RILPL1: variants seen among roughly 807,000 people sequenced by gnomAD.
RILPL1 encodes the protein Rab interacting lysosomal protein like 1, also known as RILP-like protein 1.
RILPL1 carries 33 observed loss-of-function variants against 50.3 expected under a neutral mutation model. The ratio of observed to expected loss-of-function variants is 0.66; its 90% CI spans 0.50 to 0.88. RILPL1 has a LOEUF of 0.88. RILPL1 is among the 40% of genes least tolerant of loss of function. RILPL1 has a pLI of 0.00. For missense variants in RILPL1, 418 were observed against 542.5 expected (o/e 0.77, Z 2.28); for synonymous variants, 205 against 228.6 (o/e 0.90, Z 0.93).
intron 1 of RILPL1, among the ~76,000 whole-genome samples, chr12:123,525,210 G>A (rs1885208411): frequency 6.6e-6 from 1 of 151,718 alleles, no homozygotes; most frequent in African/African-American, 2.4e-5. Flanking sequence ...AACCACTGAA[G>A]TGTACATCTT....
chr12:123,521,563 TAATATATATACACACATATGTGTATATA>T lies in RILPL1; in HGVS notation c.460+1904_460+1931del, dbSNP rs1297881000. ...TGTATATATATGTGTGTATATATAT[TAATATATATACACACATATGTGTATATA>T]TATATTAATATATATACACACATAT... On this transcript the variant is annotated intron_variant, in intron 2 of 6. Transcript: ENST00000376874. Among the ~76,000 whole-genome samples the T allele has an allele frequency of 3.1e-4, 14 of 45,396 alleles. No homozygotes were observed. The South Asian group carries it at 0.011, about 34-fold the overall frequency. The allele number at this position is 45,396 out of a possible 152,430, so 29.8% of individuals were successfully genotyped here.
intron 2 of RILPL1, among the ~76,000 whole-genome samples, chr12:123,508,106 G>A (rs1200933526): frequency 6.6e-6 from 1 of 150,968 alleles, no homozygotes; most frequent in African/African-American, 2.4e-5. Context: ...AAAAACCACT[G>A]AGTTGGACCA....
At chr12:123,502,684 G>T (rs1718002890) in intron 2 of RILPL1, among the ~76,000 whole-genome samples, 1 of 152,236 alleles carries the variant, frequency 6.6e-6, no homozygotes, top group South Asian at 2.1e-4. Context: ...TGCCCATTAA[G>T]TTATTGTTGA....
chr12:123,511,549 GGTCT>G (rs770248428), intron 2 of RILPL1, among the ~76,000 whole-genome samples: 6 of 132,928 alleles, frequency 4.5e-5, no homozygotes, highest in Non-Finnish European at 6.4e-5. Flanking sequence ...GTCTGTGTGA[GGTCT>G]GTGTGTGTGG....
chr12:123,517,105 A>G (rs1333486798), intron 2 of RILPL1, among the ~76,000 whole-genome samples: 1 of 152,052 alleles, frequency 6.6e-6, no homozygotes, highest in Non-Finnish European at 1.5e-5. Flanking sequence ...ATTAAACAAC[A>G]AAAGATAAAG....
chr12:123,473,773 A>C (rs1220997620), intron 6 of RILPL1: 2 of 152,038 alleles, frequency 1.3e-5, no homozygotes, highest in Non-Finnish European at 2.9e-5. Flanking sequence ...CAGATGCCTG[A>C]AAGATAAAGG....
At chr12:123,504,714 T>G (rs1045230089) in intron 2 of RILPL1, among the ~76,000 whole-genome samples, 3 of 152,314 alleles carry the variant, frequency 2.0e-5, no homozygotes, top group East Asian at 1.9e-4. Context: ...GGTCTTATTA[T>G]CATTACTGTT....
At chr12:123,493,427 C>T (rs997412446) in intron 4 of RILPL1, among the ~76,000 whole-genome samples, 5 of 152,164 alleles carry the variant, frequency 3.3e-5, no homozygotes, top group South Asian at 2.1e-4. Context: ...CAGAGGCTGG[C>T]GGGATCCTCC....
Position 123,485,111 on chromosome 12 carries a change from AT to A in RILPL1, c.974+521del. On this transcript the variant is annotated intron_variant, in intron 5 of 6. Transcript: ENST00000376874. The surrounding 1 kb of genome is among the most constrained non-coding windows in gnomAD (Gnocchi z 4.0). ...CCTTCCAGCTTTCTATTCAACAGAT[AT>A]TTGTTGTGCACCTACTGTGTGCCAA... 1 of 455,674 alleles carries A rather than the reference AT, an allele frequency of 2.2e-6. No individual in the cohort carries two copies. Among genetic ancestry groups the A allele is most frequent in the South Asian group, 1.5e-5 (1 of 64,552 alleles). 28.2% of individuals were successfully genotyped at this position (455,674 alleles called of 1,614,324 possible). A position where few individuals can be genotyped will look rare whatever the true frequency, so the allele number is the denominator to read the frequency against.
chr12:123,494,507 T>C lies in RILPL1; in HGVS notation c.801+4037A>G, dbSNP rs552705568. Among the ~76,000 whole-genome samples, 9 of 152,164 alleles carry C rather than the reference T, an allele frequency of 5.9e-5. 1 individual carries two copies. The highest frequency in any genetic ancestry group is 5.9e-4 in the Admixed American group (9 of 15,276). On this transcript the variant is annotated intron_variant, in intron 4 of 6. Coordinates refer to ENST00000376874, the MANE Select transcript of RILPL1 (RefSeq NM_178314.5). ...GGTGGTGTGAAATGTCCCTTGCTGC[T>C]CAAGAGTCCTGGAACAGCGCTGGGA...
intron 1 of RILPL1, 122 bp from the exon 2 acceptor site, chr12:123,523,767 C>T (rs1240105597): frequency 2.5e-6 from 3 of 1,181,612 alleles, no homozygotes; most frequent in Non-Finnish European, 3.5e-6. Context: ...CTCGTGAGAA[C>T]TGGGCCGGCA....
chr12:123,482,428 C>T (rs1225049573), intron 6 of RILPL1, among the ~76,000 whole-genome samples: 2 of 152,112 alleles, frequency 1.3e-5, no homozygotes, highest in Admixed American at 6.6e-5. Context: ...TACTCTCTAG[C>T]AATATCCGGC....
chr12:123,505,033 T>A (rs1275107066), intron 2 of RILPL1, among the ~76,000 whole-genome samples: 1 of 114,632 alleles, frequency 8.7e-6, no homozygotes, highest in East Asian at 1.9e-4. Flanking sequence ...CCCATCAAGT[T>A]TTTTTGTTTT....
chr12:123,487,134 T>A (rs1365193527), intron 4 of RILPL1, among the ~76,000 whole-genome samples: 1 of 152,062 alleles, frequency 6.6e-6, no homozygotes, highest in Non-Finnish European at 1.5e-5. Context: ...ACTCTCTACT[T>A]CCCTATCCTG....
intron 2 of RILPL1, among the ~76,000 whole-genome samples, chr12:123,511,432 G>C (rs557200302): frequency 6.8e-6 from 1 of 146,292 alleles, no homozygotes; most frequent in East Asian, 2.1e-4. Context: ...TGAGGTCTCT[G>C]TGTGTGTGGT....
In RILPL1 at chr12:123,471,551, G is replaced by A. The variant is rs1881190779; in HGVS notation, c.*987C>T. ...TGGGCAAGCCTCCAACTCACCAGTT[G>A]CAGTAGAGCATCTGGCTCTCTGTCT... On this transcript the variant is annotated 3_prime_UTR_variant, in exon 7 of 7. Coordinates refer to ENST00000376874, the MANE Select transcript of RILPL1 (RefSeq NM_178314.5). The A allele has an allele frequency of 6.6e-6, 1 of 152,214 alleles. No homozygotes were observed. Among genetic ancestry groups the A allele is most frequent in the Non-Finnish European group, 1.5e-5 (1 of 68,078 alleles). The allele number at this position is 152,214 out of a possible 1,614,324, so 9.4% of individuals were successfully genotyped here.
chr12:123,528,036 T>G (rs1240897509), intron 1 of RILPL1, among the ~76,000 whole-genome samples: 2 of 152,164 alleles, frequency 1.3e-5, no homozygotes, highest in African/African-American at 4.8e-5. Flanking sequence ...CTGTATGACA[T>G]TGTATCCATA....
At chr12:123,531,917 C>T (rs28673982) in intron 1 of RILPL1, among the ~76,000 whole-genome samples, 122,575 of 152,098 alleles carry the variant, frequency 0.81, 49,989 homozygotes, top group East Asian at 0.91. Context: ...AGAGTGACCT[C>T]GGAAATGCTG....
intron 2 of RILPL1, among the ~76,000 whole-genome samples, chr12:123,507,155 C>T (rs1467547352): frequency 6.6e-6 from 1 of 152,214 alleles, no homozygotes; most frequent in East Asian, 1.9e-4. Context: ...CTAAAGCTCA[C>T]ACACGCACTC....
Sources: gnomAD v4.1 joint callset for allele counts (sites outside exome capture counted in the v4.1 genomes callset) on GRCh38, gnomAD v4.1.1 for gene constraint, Gnocchi (gnomAD v3.1) non-coding constraint, MANE v1.5 for transcripts, NCBI Gene and HGNC (gene_info 2026-07-23, HGNC 2026-07-21) for gene names.